The following GYPB variants were observed in gnomAD, a reference collection of about 807,000 sequenced individuals.
GYPB encodes the protein glycophorin B (MNS blood group).
GYPB carries 13 observed loss-of-function variants against 15.3 expected under a neutral mutation model. The observed-to-expected ratio is 0.85, with a 90% CI of 0.55 to 1.35. GYPB has a LOEUF of 1.35. Ranked by LOEUF, GYPB falls within the 40% of genes most tolerant of loss-of-function variation. The pLI is 0.00. For missense variants in GYPB, 131 were observed against 108.3 expected (o/e 1.21, Z -0.93); for synonymous variants, 38 against 36.9 (o/e 1.03, Z -0.11).
At position 144,019,322 on chromosome 4, in the gene GYPB, A is replaced by C; in HGVS notation, c.-35T>G. 2 of 1,610,510 alleles carry C rather than the reference A, an allele frequency of 1.2e-6. No individual in the cohort carries two copies. Among genetic ancestry groups the C allele is most frequent in the Non-Finnish European group, 1.7e-6 (2 of 1,178,720 alleles). On this transcript the variant is annotated 5_prime_UTR_variant, in exon 1 of 5. Coordinates refer to ENST00000502664, the MANE Select transcript of GYPB (RefSeq NM_002100.6). ...ATGAGCTGGTTCCTGAAGTTAGTGC[A>C]AAAAAACTACCAAAGACAACTGCAA...
At chr4:144,008,551 G>T in intron 1 of GYPB, 1 of 453,962 alleles carries the variant, frequency 2.2e-6, no homozygotes, top group Non-Finnish European at 4.4e-6. Context: ...TTCCAATCTG[G>T]TCACTCCTGC....
intron 1 of GYPB, among the ~76,000 whole-genome samples, chr4:144,019,008 C>G (rs1385622749): frequency 2.6e-5 from 4 of 151,382 alleles, no homozygotes; most frequent in Non-Finnish European, 5.9e-5. Flanking sequence ...TCTAGCTAGA[C>G]TTAGAATTGA....
chr4:144,013,718 A>G (rs1455256619), intron 1 of GYPB, among the ~76,000 whole-genome samples: 4 of 139,654 alleles, frequency 2.9e-5, no homozygotes, highest in Non-Finnish European at 6.1e-5. Context: ...GAATTGAACA[A>G]TGAGATCACA....
At chr4:144,014,258 A>G (rs535261963) in intron 1 of GYPB, among the ~76,000 whole-genome samples, 1 of 151,930 alleles carries the variant, frequency 6.6e-6, no homozygotes, top group Admixed American at 6.5e-5. Context: ...ATCTTTGAGT[A>G]TTAAAAGTGG....
rs1267861561 is a variant in GYPB, at chr4:144,003,580, G to A, written c.38-2297C>T. On this transcript the variant is annotated intron_variant, in intron 1 of 4. Transcript: ENST00000502664. ...TTAATTTTAAATGAAGTCAGAGAAGGTGAAAAGTATTTTAAATTTTTAAGC... is the reference window on the plus strand; with the variant it reads ...TTAATTTTAAATGAAGTCAGAGAAGATGAAAAGTATTTTAAATTTTTAAGC... Among the ~76,000 whole-genome samples the A allele has an allele frequency of 2.6e-5, 4 of 151,502 alleles. 1 individual carries two copies. Among genetic ancestry groups the A allele is most frequent in the African/African-American group, 7.4e-5 (3 of 40,774 alleles).
chr4:144,013,008 A>G (rs1226385278), intron 1 of GYPB, among the ~76,000 whole-genome samples: 2 of 151,764 alleles, frequency 1.3e-5, no homozygotes, highest in African/African-American at 4.9e-5. Flanking sequence ...AAGTAAAAAC[A>G]AAAATCTACA....
intron 1 of GYPB, among the ~76,000 whole-genome samples, chr4:144,002,189 G>A (rs1727664655): frequency 6.6e-6 from 1 of 150,856 alleles, no homozygotes; most frequent in South Asian, 2.1e-4. Flanking sequence ...AGAATATTTG[G>A]GAACTACAAG....
intron 1 of GYPB, chr4:144,002,776 C>T (rs1727696974): frequency 3.3e-6 from 3 of 920,178 alleles, no homozygotes; most frequent in Non-Finnish European, 4.6e-6. Context: ...TAAAACCTTT[C>T]TCTATTTATC....
chr4:144,018,399 C>T (rs116185399), intron 1 of GYPB, among the ~76,000 whole-genome samples: 1,524 of 150,818 alleles, frequency 0.01, 107 homozygotes, highest in African/African-American at 0.036. Flanking sequence ...CTACAGAGTG[C>T]TCAGTAGATC....
intron 2 of GYPB, among the ~76,000 whole-genome samples, chr4:144,000,628 C>T (rs1263071007): frequency 6.6e-6 from 1 of 151,224 alleles, no homozygotes; most frequent in East Asian, 1.9e-4. Flanking sequence ...AGACTGCCAC[C>T]AGATTACTCT....
At chr4:143,996,384 T>A in intron 4 of GYPB, 80 bp from the exon 5 acceptor site, 1 of 1,547,508 alleles carries the variant, frequency 6.5e-7, no homozygotes. Flanking sequence ...CTCTGATTGG[T>A]CACAGGCCAA....
chr4:144,017,068 C>A (rs1335702696), intron 1 of GYPB, among the ~76,000 whole-genome samples: 1 of 150,636 alleles, frequency 6.6e-6, no homozygotes, highest in African/African-American at 2.5e-5. Flanking sequence ...TCTGCATTCC[C>A]TCCCACCATC....
intron 3 of GYPB, among the ~76,000 whole-genome samples, chr4:143,998,855 A>G (rs552198811): frequency 7.1e-6 from 1 of 140,426 alleles, no homozygotes; most frequent in East Asian, 1.9e-4. Context: ...GAGAAAAACT[A>G]TTACCAAATT....
In GYPB at chr4:144,012,322, A is replaced by G. The variant is rs538705694; in HGVS notation, c.37+6929T>C. 639 of 151,258 alleles carry G rather than the reference A, an allele frequency of 4.2e-3. 31 individuals are homozygous for G. The highest frequency in any genetic ancestry group is 0.014 in the African/African-American group (558 of 40,736). 9.4% of individuals were successfully genotyped at this position (151,258 alleles called of 1,614,324 possible). A position where few individuals can be genotyped will look rare whatever the true frequency, so the allele number is the denominator to read the frequency against. On this transcript the variant is annotated intron_variant, in intron 1 of 4. Coordinates refer to ENST00000502664, the MANE Select transcript of GYPB (RefSeq NM_002100.6). ...CAGTGGAACTGCCTAGGCTCAAACT[A>G]ATTCCTCTAGCAACTACCTGAGACC...
chr4:144,010,810 G>T (rs1356151347), intron 1 of GYPB, among the ~76,000 whole-genome samples: 1 of 151,302 alleles, frequency 6.6e-6, no homozygotes, highest in Non-Finnish European at 1.5e-5. Context: ...TATGTGTGCT[G>T]CACCACTAAA....
chr4:143,996,374 C>T, intron 4 of GYPB, 70 bp from the exon 5 acceptor site: 1 of 1,549,260 alleles, frequency 6.5e-7, no homozygotes, highest in Non-Finnish European at 8.7e-7. Flanking sequence ...CCACTTCAGC[C>T]TCTGATTGGT....
intron 1 of GYPB, among the ~76,000 whole-genome samples, chr4:144,011,096 T>C (rs1728194412): frequency 6.6e-6 from 1 of 151,438 alleles, no homozygotes; most frequent in Non-Finnish European, 1.5e-5. Context: ...AAGAGATAGG[T>C]TAGGACTGGT....
intron 1 of GYPB, among the ~76,000 whole-genome samples, chr4:144,009,859 C>T (rs1277993948): frequency 4.6e-5 from 7 of 150,650 alleles, no homozygotes; most frequent in Non-Finnish European, 7.4e-5. Flanking sequence ...GTGATCCGCC[C>T]ACCTCAGCCT....
intron 3 of GYPB, 139 bp downstream of exon 3, chr4:143,999,272 T>C (rs951599456): frequency 2.2e-5 from 13 of 592,996 alleles, no homozygotes; most frequent in Admixed American, 1.5e-4. Context: ...ATTTTCTTTG[T>C]CTTTACAATT....
Sources: gnomAD v4.1 joint callset for allele counts (sites outside exome capture counted in the v4.1 genomes callset) on GRCh38, gnomAD v4.1.1 for gene constraint, MANE v1.5 for transcripts, NCBI Gene and HGNC (gene_info 2026-07-23, HGNC 2026-07-21) for gene names.